Variants in ABHD13 observed in about 807,000 individuals in gnomAD.
ABHD13 encodes the protein abhydrolase domain containing 13.
A neutral mutation model predicts 25.2 loss-of-function variants in ABHD13; 7 were observed. The observed-to-expected ratio is 0.28, with a 90% CI of 0.16 to 0.52. The LOEUF is 0.52. ABHD13 is among the 20% of genes least tolerant of loss of function. The pLI, the probability that ABHD13 is intolerant of heterozygous loss-of-function variation, is 0.96. For missense variants in ABHD13, 302 were observed against 402.7 expected, an observed-to-expected ratio of 0.75 and a Z score of 2.14; for synonymous variants, 133 against 136.1, an observed-to-expected ratio of 0.98 and a Z score of 0.16.
At chr13:108,224,148 C>G (rs1879624694) in intron 1 of ABHD13, among the ~76,000 whole-genome samples, 1 of 152,176 alleles carries the variant, frequency 6.6e-6, no homozygotes, top group African/African-American at 2.4e-5. Flanking sequence ...TATGTAATGA[C>G]AATTGTCATC....
intron 1 of ABHD13, among the ~76,000 whole-genome samples, chr13:108,225,259 AG>A (rs1879650627): frequency 6.6e-6 from 1 of 152,236 alleles, no homozygotes. Context: ...GTGAAGCATC[AG>A]GTACGTGAGG....
chr13:108,229,234 A>C lies in ABHD13; in HGVS notation c.16A>C (p.Met6Leu). 1 of 1,556,096 alleles carries C rather than the reference A, an allele frequency of 6.4e-7. No individual in the cohort carries two copies. The highest frequency in any genetic ancestry group is 8.6e-7 in the Non-Finnish European group (1 of 1,158,440). Residue 6 changes from methionine (M) to leucine (L), a missense_variant, in exon 2 of 2, where the codon ATG becomes CTG. Coordinates refer to ENST00000375898, the MANE Select transcript of ABHD13 (RefSeq NM_032859.3). This position sits in a 1 kb window ranked among gnomAD's most constrained non-coding sequence, Gnocchi z 4.7. Reference sequence around the variant, plus strand: ...GAGAGCTACAATGGAAAAGTCCTGGATGCTGTGGAACTTTGTTGAAAGATG... The same window carrying C: ...GAGAGCTACAATGGAAAAGTCCTGGCTGCTGTGGAACTTTGTTGAAAGATG... MEKSW[M>L]LWNFVERWLI...
At chr13:108,221,842 C>CTT (rs36025260) in intron 1 of ABHD13, among the ~76,000 whole-genome samples, 3 of 144,928 alleles carry the variant, frequency 2.1e-5, no homozygotes, top group Non-Finnish European at 4.6e-5. Context: ...ACAATGTACA[C>CTT]TTTTTTTTTT....
In ABHD13 at chr13:108,218,568, T is replaced by A. The variant is rs1394705039; in HGVS notation, c.-112T>A. The A allele has an allele frequency of 1.3e-5, 2 of 151,716 alleles. No homozygotes were observed. Among genetic ancestry groups the A allele is most frequent in the Non-Finnish European group, 2.9e-5 (2 of 67,934 alleles). The allele number at this position is 151,716 out of a possible 1,614,324, so 9.4% of individuals were successfully genotyped here. On this transcript the variant is annotated 5_prime_UTR_variant, in exon 1 of 2. An upstream start codon of the reference 5' UTR is lost. Transcript: ENST00000375898. ...CGGCCCCTGGGCTGGAGGAGGATGA[T>A]GAGGAGCGACGGAAGCGACGCGGGG...
intron 1 of ABHD13, among the ~76,000 whole-genome samples, chr13:108,224,052 A>C (rs1196672837): frequency 6.6e-6 from 1 of 152,252 alleles, no homozygotes; most frequent in African/African-American, 2.4e-5. Flanking sequence ...GGTTTCTCTA[A>C]GTAATCAACC....
intron 1 of ABHD13, among the ~76,000 whole-genome samples, chr13:108,228,740 C>T (rs1048947508): frequency 2.0e-5 from 3 of 151,654 alleles, no homozygotes; most frequent in Admixed American, 6.6e-5. Context: ...ACAGTTTGCC[C>T]TGGACATACG....
In ABHD13 at chr13:108,225,144, A is replaced by G. The variant is rs76554911; in HGVS notation, c.-20-4055A>G. ...CATATCCTGGGTTTTTAAAAAATGT[A>G]TTTGTTTACACATCATGCTTTTTTT... On this transcript the variant is annotated intron_variant, in intron 1 of 1. Transcript: ENST00000375898. Among the ~76,000 whole-genome samples the G allele has an allele frequency of 4.6e-5, 7 of 152,272 alleles. No homozygotes were observed. In the East Asian group the frequency reaches 1.3e-3, roughly 29 times the overall value.
At chr13:108,228,330 G>A (rs1879716614) in intron 1 of ABHD13, among the ~76,000 whole-genome samples, 1 of 151,836 alleles carries the variant, frequency 6.6e-6, no homozygotes, top group Non-Finnish European at 1.5e-5. Context: ...GAACCCTCAA[G>A]TATTTATTGC....
chr13:108,219,935 T>C (rs775820408), intron 1 of ABHD13, among the ~76,000 whole-genome samples: 4 of 152,206 alleles, frequency 2.6e-5, no homozygotes, highest in Non-Finnish European at 4.4e-5. Flanking sequence ...ATATCCATTA[T>C]TTGATCTAGG....
At position 108,229,260 on chromosome 13, in the gene ABHD13, G is replaced by T; in HGVS notation, c.42G>T (p.Trp14Cys). Reference sequence around the variant, plus strand: ...TGCTGTGGAACTTTGTTGAAAGATGGCTAATAGCCTTGGCTTCATGGTCTT... The same window carrying T: ...TGCTGTGGAACTTTGTTGAAAGATGTCTAATAGCCTTGGCTTCATGGTCTT... ...SWMLWNFVER[W>C]LIALASWSWA... Residue 14 changes from tryptophan to cysteine, a missense_variant, in exon 2 of 2, where the codon TGG becomes TGT. By Grantham distance (215) the Trp-to-Cys change is radical. Transcript: ENST00000375898. The surrounding 1 kb of genome is among the most constrained non-coding windows in gnomAD (Gnocchi z 4.7). 6.3e-7 allele frequency: 1 copy of T among 1,578,386 alleles called. No individual in the cohort carries two copies. Among genetic ancestry groups the T allele is most frequent in the Non-Finnish European group, 8.6e-7 (1 of 1,167,230 alleles).
chr13:108,225,034 A>G (rs1879645867), intron 1 of ABHD13, among the ~76,000 whole-genome samples: 1 of 151,970 alleles, frequency 6.6e-6, no homozygotes, highest in Non-Finnish European at 1.5e-5. Context: ...AAAGCACAAA[A>G]GTTGTTTCTA....
rs41315042 is a variant in ABHD13, at chr13:108,231,200, G to A, written c.*968G>A. On this transcript the variant is annotated 3_prime_UTR_variant, in exon 2 of 2. Transcript: ENST00000375898. Reference sequence around the variant, plus strand: ...TTCTCACCTTTGATTTTAAATCCCAGTACCTAGTTATATCTAACCTATCAA... The same window carrying A: ...TTCTCACCTTTGATTTTAAATCCCAATACCTAGTTATATCTAACCTATCAA... The A allele has an allele frequency of 0.019, 3,228 of 166,696 alleles. 136 individuals carry two copies. The highest frequency in any genetic ancestry group is 0.11 in the Admixed American group (1,704 of 15,208). 10.3% of individuals were successfully genotyped at this position (166,696 alleles called of 1,614,324 possible).
Position 108,229,927 on chromosome 13 carries a change from T to TA in ABHD13, c.710dup (p.Tyr237Ter). The TA allele has an allele frequency of 6.2e-7, 1 of 1,613,314 alleles. No individual in the cohort carries two copies. The highest frequency in any genetic ancestry group is 8.5e-7 in the Non-Finnish European group (1 of 1,179,472). Residue 237 changes from tyrosine (Y) to a stop codon, truncating the protein, a stop_gained and frameshift_variant, in exon 2 of 2, where the codon TAC becomes TAAC. Coordinates refer to ENST00000375898, the MANE Select transcript of ABHD13 (RefSeq NM_032859.3). LOFTEE classifies it high-confidence loss of function. This position sits in a 1 kb window ranked among gnomAD's most constrained non-coding sequence, Gnocchi z 4.7. Reference protein sequence around the residue: ...STLFSFFPMRYLPLWCYKNKF... With the variant: ...STLFSFFPMR ...TTTATTTTCATTCTTTCCGATGCGT[T>TA]ACCTTCCTTTATGGTGCTACAAAAA...
Position 108,231,808 on chromosome 13 carries a change from T to C in ABHD13, c.*1576T>C, listed in dbSNP as rs537007869. On this transcript the variant is annotated 3_prime_UTR_variant, in exon 2 of 2. Transcript: ENST00000375898. ...ATACTTTTGCCAAATAGCATTCTTA[T>C]TCACTTTATGCCGGTATTTAGAAAA... is the stretch of plus-strand genomic sequence containing the variant. The C allele has an allele frequency of 3.0e-5, 5 of 166,972 alleles. No homozygotes were observed. The highest frequency in any genetic ancestry group is 5.9e-5 in the Non-Finnish European group (4 of 67,944). 10.3% of individuals were successfully genotyped at this position (166,972 alleles called of 1,614,324 possible).
chr13:108,221,825 A>G (rs1290399942), intron 1 of ABHD13, among the ~76,000 whole-genome samples: 1 of 151,788 alleles, frequency 6.6e-6, no homozygotes, highest in Non-Finnish European at 1.5e-5. Context: ...GATATACAAT[A>G]TGCAAAACAA....
chr13:108,227,374 A>G (rs932200519), intron 1 of ABHD13, among the ~76,000 whole-genome samples: 3 of 152,146 alleles, frequency 2.0e-5, no homozygotes, highest in African/African-American at 7.2e-5. Flanking sequence ...GAGATGCAAT[A>G]GTGAAAAAGA....
chr13:108,231,695 T>C lies in ABHD13; in HGVS notation c.*1463T>C, dbSNP rs1421850609. 6.0e-6 allele frequency: 1 copy of C among 166,710 alleles called. No individual in the cohort carries two copies. Among genetic ancestry groups the C allele is most frequent in the East Asian group, 1.9e-4 (1 of 5,206 alleles). The allele number at this position is 166,710 out of a possible 1,614,324, so 10.3% of individuals were successfully genotyped here. On this transcript the variant is annotated 3_prime_UTR_variant, in exon 2 of 2. Transcript: ENST00000375898. ...TTTTGAATATTTTAGCTATATTTAG[T>C]GGCTTTCTGCAAGCAACTAGAACAG...
chr13:108,223,027 G>A (rs1181485509), intron 1 of ABHD13, among the ~76,000 whole-genome samples: 5 of 152,228 alleles, frequency 3.3e-5, no homozygotes, highest in African/African-American at 1.2e-4. Flanking sequence ...CAGTTATATT[G>A]TGCCATCTGA....
chr13:108,230,541 A>G lies in ABHD13; in HGVS notation c.*309A>G, dbSNP rs999053936. 6.5e-5 allele frequency: 13 copies of G among 198,846 alleles called. No individual in the cohort carries two copies. Among genetic ancestry groups the G allele is most frequent in the African/African-American group, 1.9e-4 (8 of 42,574 alleles). The allele number at this position is 198,846 out of a possible 1,614,324, so 12.3% of individuals were successfully genotyped here. The stretch of plus-strand genomic sequence containing the variant: ...TAAAGTGGTGTAATCTGTTACACAG[A>G]TGAATAGCTAGATGTGGAAAGAGAT... On this transcript the variant is annotated 3_prime_UTR_variant, in exon 2 of 2. Coordinates refer to ENST00000375898, the MANE Select transcript of ABHD13 (RefSeq NM_032859.3).
Sources: gnomAD v4.1 joint callset for allele counts (sites outside exome capture counted in the v4.1 genomes callset) on GRCh38, gnomAD v4.1.1 for gene constraint, Gnocchi (gnomAD v3.1) non-coding constraint, MANE v1.5 for transcripts, NCBI Gene and HGNC (gene_info 2026-07-23, HGNC 2026-07-21) for gene names.